Variants in PRIM2 observed in about 807,000 individuals in gnomAD.
The protein encoded by PRIM2 is DNA primase large subunit.
Under a neutral mutation model 67.3 loss-of-function variants are expected in PRIM2, and 39 were observed. The observed-to-expected ratio is 0.58, with a 90% CI of 0.45 to 0.76. The LOEUF (loss-of-function observed/expected upper bound fraction) is 0.76. PRIM2 is among the 30% of genes least tolerant of loss of function. The probability of loss-of-function intolerance (pLI) is 0.00; values close to 1 mark genes in which losing one functional copy is unlikely to be tolerated. For missense variants in PRIM2, 398 were observed against 598.7 expected (o/e 0.66, Z 3.50); for synonymous variants, 143 against 198.7 (o/e 0.72, Z 2.36).
chr6:57,431,130 T>C (rs1360690774), intron 7 of PRIM2, among the ~76,000 whole-genome samples: 2 of 152,180 alleles, frequency 1.3e-5, no homozygotes, highest in South Asian at 4.2e-4. Flanking sequence ...TCTTTTTTCT[T>C]TGGGTTTGAC....
intron 5 of PRIM2, among the ~76,000 whole-genome samples, chr6:57,353,427 C>G (rs1017768802): frequency 6.6e-6 from 1 of 152,182 alleles, no homozygotes; most frequent in Non-Finnish European, 1.5e-5. Flanking sequence ...AATTCTGTCT[C>G]TCCTGATTTT....
At chr6:57,478,982 A>G (rs1205170792) in intron 7 of PRIM2, among the ~76,000 whole-genome samples, 2 of 152,296 alleles carry the variant, frequency 1.3e-5, no homozygotes, top group Non-Finnish European at 2.9e-5. Flanking sequence ...CCCCATCTCT[A>G]TTAAAAATAC....
At chr6:57,415,260 G>A (rs1197477098) in intron 7 of PRIM2, among the ~76,000 whole-genome samples, 1 of 152,104 alleles carries the variant, frequency 6.6e-6, no homozygotes, top group Admixed American at 6.5e-5. Flanking sequence ...CCTTTTACTT[G>A]TTAAAGTAAG....
chr6:57,408,561 C>A (rs1472476276), intron 7 of PRIM2, among the ~76,000 whole-genome samples: 1 of 151,924 alleles, frequency 6.6e-6, no homozygotes, highest in Non-Finnish European at 1.5e-5. Flanking sequence ...ATTTAATTTC[C>A]TCCCTCCACC....
intron 7 of PRIM2, among the ~76,000 whole-genome samples, chr6:57,446,353 G>T (rs1306427304): frequency 1.4e-5 from 2 of 144,948 alleles, no homozygotes; most frequent in Non-Finnish European, 1.5e-5. Context: ...GAAAGGAAAT[G>T]AATGTGCTCA....
chr6:57,508,935 C>T (rs1774303442), intron 8 of PRIM2, among the ~76,000 whole-genome samples: 1 of 152,132 alleles, frequency 6.6e-6, no homozygotes, highest in Non-Finnish European at 1.5e-5. Flanking sequence ...CCTACATTTT[C>T]AGGTTTTATG....
At chr6:57,539,570 G>GTA (rs1213272057) in intron 10 of PRIM2, among the ~76,000 whole-genome samples, 49 of 148,014 alleles carry the variant, frequency 3.3e-4, no homozygotes, top group African/African-American at 1.1e-3. Flanking sequence ...TATTCTTTGT[G>GTA]TGTGTGTGTG....
At chr6:57,279,623 C>CAT in the PRIM2 span, among the ~76,000 whole-genome samples, 1 of 152,064 alleles carries the variant, frequency 6.6e-6, no homozygotes, top group African/African-American at 2.4e-5. Flanking sequence ...GGCGGCGCTA[C>CAT]AGGAGAAACA....
the PRIM2 span, among the ~76,000 whole-genome samples, chr6:57,247,529 G>A: frequency 1.3e-5 from 2 of 152,134 alleles, 1 homozygote; most frequent in African/African-American, 4.8e-5. Flanking sequence ...TGAGCACTAG[G>A]TAAATGTCAA....
intron 11 of PRIM2, among the ~76,000 whole-genome samples, chr6:57,602,013 C>T (rs1163400003): frequency 6.6e-6 from 1 of 151,672 alleles, no homozygotes; most frequent in Non-Finnish European, 1.5e-5. Flanking sequence ...GTGGCCAGCA[C>T]TCGTCATATA....
chr6:57,268,448 A>C, the PRIM2 span, among the ~76,000 whole-genome samples: 2 of 152,166 alleles, frequency 1.3e-5, no homozygotes, highest in African/African-American at 4.8e-5. Flanking sequence ...ATGTCTATGC[A>C]TAAAAGGTGA....
At chr6:57,473,942 A>G (rs1477706656) in intron 7 of PRIM2, among the ~76,000 whole-genome samples, 3 of 151,910 alleles carry the variant, frequency 2.0e-5, no homozygotes, top group African/African-American at 7.2e-5. Context: ...CGACTTAGAA[A>G]AGTTTTGAAA....
the PRIM2 span, among the ~76,000 whole-genome samples, chr6:57,241,527 A>G: frequency 3.4e-5 from 5 of 147,160 alleles, no homozygotes; most frequent in Non-Finnish European, 7.5e-5. Context: ...AAAAAAAAAA[A>G]CTTTAAAAAA....
intron 7 of PRIM2, among the ~76,000 whole-genome samples, chr6:57,476,863 T>G (rs1365117140): frequency 6.6e-6 from 1 of 152,342 alleles, no homozygotes; most frequent in East Asian, 1.9e-4. Context: ...TTCTCCTGCC[T>G]CAGCCTCCCA....
intron 7 of PRIM2, among the ~76,000 whole-genome samples, chr6:57,421,144 C>CT (rs1235904286): frequency 1.3e-5 from 2 of 152,084 alleles, no homozygotes; most frequent in Non-Finnish European, 2.9e-5. Flanking sequence ...AGTATGAAGA[C>CT]TGAGAAGAGG....
intron 5 of PRIM2, among the ~76,000 whole-genome samples, chr6:57,338,277 G>A (rs1768333451): frequency 6.6e-6 from 1 of 152,142 alleles, no homozygotes; most frequent in African/African-American, 2.4e-5. Context: ...TCTACCAGAG[G>A]TACAAGGAGG....
At chr6:57,271,759 G>A in the PRIM2 span, among the ~76,000 whole-genome samples, 2 of 152,110 alleles carry the variant, frequency 1.3e-5, no homozygotes, top group East Asian at 3.8e-4. Context: ...TCTCTTGTGG[G>A]CATTTAGTGC....
At chr6:57,255,269 C>T in the PRIM2 span, among the ~76,000 whole-genome samples, 15 of 152,166 alleles carry the variant, frequency 9.9e-5, no homozygotes, top group South Asian at 2.1e-4. Flanking sequence ...GAGGCCGAGG[C>T]GGGCGGATCA....
intron 7 of PRIM2, among the ~76,000 whole-genome samples, chr6:57,485,542 A>G (rs1295602500): frequency 5.9e-5 from 9 of 152,180 alleles, no homozygotes; most frequent in Admixed American, 5.2e-4. Flanking sequence ...CAAAGGGCTG[A>G]TATATGCAGT....
Sources: allele counts gnomAD v4.1 joint callset (sites outside exome capture counted in the v4.1 genomes callset), GRCh38; gene constraint gnomAD v4.1.1; transcripts MANE v1.5; gene names NCBI Gene and HGNC (gene_info 2026-07-23, HGNC 2026-07-21).